Variants in OVOL2 observed in about 807,000 individuals in gnomAD.
OVOL2 encodes the protein ovo like zinc finger 2.
A neutral mutation model predicts 18.1 loss-of-function variants in OVOL2; 13 were observed. The observed-to-expected ratio is 0.72, with a 90% CI of 0.47 to 1.14. OVOL2 has a LOEUF of 1.14. Ranked by LOEUF, OVOL2 falls within the 50% of genes most tolerant of loss-of-function variation. OVOL2 has a pLI of 0.00. For synonymous variants in OVOL2, 166 were observed against 162.7 expected, an observed-to-expected ratio of 1.02 and a Z score of -0.16; for missense variants, 335 against 383.0, an observed-to-expected ratio of 0.87 and a Z score of 1.05.
chr20:18,041,501 A>AG, intron 3 of OVOL2, 33 bp downstream of exon 3: 1 of 1,587,674 alleles, frequency 6.3e-7, no homozygotes, highest in Non-Finnish European at 8.6e-7. Context: ...CAGAATAACA[A>AG]AACAGAGAAC....
At chr20:18,055,591 C>T (rs184103358) in intron 2 of OVOL2, among the ~76,000 whole-genome samples, 6 of 152,286 alleles carry the variant, frequency 3.9e-5, no homozygotes, top group African/African-American at 1.4e-4. Flanking sequence ...CTCAGCCCAC[C>T]CCGGAGTCAA....
At position 18,057,876 on chromosome 20, in the gene OVOL2, A is replaced by G. The variant is rs1293281613; in HGVS notation, c.-242T>C. 7.5e-7 allele frequency: 1 copy of G among 1,334,408 alleles called. No homozygotes were observed. The highest frequency in any genetic ancestry group is 9.5e-7 in the Non-Finnish European group (1 of 1,048,654). The allele number at this position is 1,334,408 out of a possible 1,614,324, so 82.7% of individuals were successfully genotyped here. On this transcript the variant is annotated 5_prime_UTR_variant, in exon 1 of 4. Transcript: ENST00000278780. The surrounding 1 kb of genome is among the most constrained non-coding windows in gnomAD (Gnocchi z 6.3). ...TCGCGAGTGAGACCACGCCGGGGAA[A>G]AAGTTTCATAAGGTGGAATAGAAAA...
At chr20:18,058,398 T>C (rs899654170), upstream of OVOL2, among the ~76,000 whole-genome samples, 3 of 134,628 alleles carry the variant, frequency 2.2e-5, no homozygotes, top group Non-Finnish European at 4.7e-5. Context: ...TTCCATCAGC[T>C]ACAACACCCC....
At chr20:18,043,878 T>G (rs984053514) in intron 2 of OVOL2, among the ~76,000 whole-genome samples, 1 of 152,178 alleles carries the variant, frequency 6.6e-6, no homozygotes, top group African/African-American at 2.4e-5. Context: ...TGTTACCAAA[T>G]CAGATCCTTT....
intron 3 of OVOL2, among the ~76,000 whole-genome samples, chr20:18,025,920 C>T (rs1344935633): frequency 6.6e-6 from 1 of 152,274 alleles, no homozygotes; most frequent in African/African-American, 2.4e-5. Context: ...CAGCAGGGAA[C>T]CCCTCAGGCA....
chr20:18,044,436 G>A (rs565202974), intron 2 of OVOL2, among the ~76,000 whole-genome samples: 6 of 152,312 alleles, frequency 3.9e-5, no homozygotes, highest in Admixed American at 1.3e-4. Context: ...TGTGCTGACC[G>A]GCAGCTGGGA....
chr20:18,025,368 G>A (rs6080938), intron 3 of OVOL2, among the ~76,000 whole-genome samples: 37,879 of 151,986 alleles, frequency 0.25, 5,368 homozygotes, highest in South Asian at 0.43. Context: ...AGGAGTTCGA[G>A]ACCAGCCTGG....
At chr20:18,050,641 C>G (rs954937578) in intron 2 of OVOL2, 4 of 152,166 alleles carry the variant, frequency 2.6e-5, no homozygotes, top group African/African-American at 9.7e-5. Context: ...TTAATTTAAC[C>G]TTCATCAAGA....
intron 2 of OVOL2, among the ~76,000 whole-genome samples, chr20:18,055,312 C>T (rs528421278): frequency 1.4e-4 from 22 of 152,294 alleles, no homozygotes; most frequent in Non-Finnish European, 2.6e-4. Flanking sequence ...AACAACGTTG[C>T]AATTGTCCTT....
At chr20:18,045,098 A>G (rs532462159) in intron 2 of OVOL2, among the ~76,000 whole-genome samples, 13 of 152,308 alleles carry the variant, frequency 8.5e-5, no homozygotes, top group African/African-American at 3.1e-4. Flanking sequence ...CTCACTCCCC[A>G]GAACTGCAGC....
chr20:18,026,451 A>G (rs537758611), intron 3 of OVOL2, among the ~76,000 whole-genome samples: 3 of 146,014 alleles, frequency 2.1e-5, no homozygotes, highest in South Asian at 2.1e-4. Context: ...GCGCAATCTC[A>G]GCTCACTGCA....
At chr20:18,049,944 G>A (rs1451178726) in intron 2 of OVOL2, among the ~76,000 whole-genome samples, 1 of 152,166 alleles carries the variant, frequency 6.6e-6, no homozygotes, top group Non-Finnish European at 1.5e-5. Context: ...CAGTACAGTT[G>A]TCCCACAATG....
intron 3 of OVOL2, among the ~76,000 whole-genome samples, chr20:18,030,401 G>T (rs536128614): frequency 6.6e-6 from 1 of 152,334 alleles, no homozygotes; most frequent in South Asian, 2.1e-4. Flanking sequence ...ATATGGGGAA[G>T]CTGGCACACT....
intron 3 of OVOL2, among the ~76,000 whole-genome samples, chr20:18,037,135 C>CAAAAAAAAAAAAA (rs762848266): frequency 4.2e-4 from 31 of 73,364 alleles, no homozygotes; most frequent in African/African-American, 1.2e-3. Context: ...GACTCCGTCT[C>CAAAAAAAAAAAAA]AAAAAAAAAA....
At chr20:18,034,573 C>T (rs1385691415) in intron 3 of OVOL2, among the ~76,000 whole-genome samples, 1 of 152,174 alleles carries the variant, frequency 6.6e-6, no homozygotes, top group Non-Finnish European at 1.5e-5. Flanking sequence ...AGGTCAGTTT[C>T]TCTCTTCCAG....
chr20:18,030,942 C>A (rs555219370), intron 3 of OVOL2, among the ~76,000 whole-genome samples: 1 of 152,188 alleles, frequency 6.6e-6, no homozygotes, highest in East Asian at 1.9e-4. Flanking sequence ...TCCCAGAGCA[C>A]CCCCATCACC....
At chr20:18,055,767 T>C (rs1381723130) in intron 2 of OVOL2, among the ~76,000 whole-genome samples, 1 of 151,780 alleles carries the variant, frequency 6.6e-6, no homozygotes, top group Non-Finnish European at 1.5e-5. Context: ...GCACCGGGGG[T>C]CTAGGGGGTG....
chr20:18,052,798 G>A (rs2036782153), intron 2 of OVOL2, among the ~76,000 whole-genome samples: 1 of 152,212 alleles, frequency 6.6e-6, no homozygotes, highest in South Asian at 2.1e-4. Flanking sequence ...TCCATACTTG[G>A]ACCTGGGTCC....
At chr20:18,026,677 G>A (rs2036522077) in intron 3 of OVOL2, among the ~76,000 whole-genome samples, 1 of 152,124 alleles carries the variant, frequency 6.6e-6, no homozygotes, top group South Asian at 2.1e-4. Flanking sequence ...CACCGCGCCG[G>A]GCCCAGGAAT....
Sources: gnomAD v4.1 joint callset for allele counts (sites outside exome capture counted in the v4.1 genomes callset) on GRCh38, gnomAD v4.1.1 for gene constraint, Gnocchi (gnomAD v3.1) non-coding constraint, MANE v1.5 for transcripts, NCBI Gene and HGNC (gene_info 2026-07-23, HGNC 2026-07-21) for gene names.